SYTL2: variants seen among roughly 807,000 people sequenced by gnomAD.
SYTL2 encodes the protein synaptotagmin like 2, also known as synaptotagmin-like protein 2.
In SYTL2, 165 loss-of-function variants were observed where a neutral mutation model predicts 198.7. The ratio of observed to expected loss-of-function variants is 0.83; its 90% CI spans 0.73 to 0.94. The LOEUF (loss-of-function observed/expected upper bound fraction) is 0.94, where lower values mean the gene tolerates loss of function less well. SYTL2 is among the 40% of genes least tolerant of loss of function. SYTL2 has a pLI of 0.00. For missense variants in SYTL2, 2,835 were observed against 2,582.8 expected (o/e 1.10, Z -2.12); for synonymous variants, 966 against 917.7 (o/e 1.05, Z -0.95).
intron 2 of SYTL2, among the ~76,000 whole-genome samples, chr11:85,753,213 A>C (rs148164363): frequency 2.0e-5 from 3 of 152,266 alleles, no homozygotes; most frequent in African/African-American, 7.2e-5. Context: ...ATGTATGGTT[A>C]TGTTTCCTTA....
chr11:85,801,408 C>A (rs2092884784), intron 1 of SYTL2, among the ~76,000 whole-genome samples: 1 of 152,164 alleles, frequency 6.6e-6, no homozygotes, highest in Non-Finnish European at 1.5e-5. Flanking sequence ...AACAATTTGG[C>A]TCCAATGTGA....
At chr11:85,805,977 G>A (rs1359729046) in intron 1 of SYTL2, among the ~76,000 whole-genome samples, 5 of 152,148 alleles carry the variant, frequency 3.3e-5, no homozygotes, top group African/African-American at 9.7e-5. Flanking sequence ...TCAATACAAG[G>A]GATAACACAT....
the SYTL2 span, among the ~76,000 whole-genome samples, chr11:85,818,662 TATCTATC>T: frequency 1.7e-4 from 25 of 149,616 alleles, no homozygotes; most frequent in Non-Finnish European, 2.5e-4. Flanking sequence ...AATTACTATC[TATCTATC>T]TATCTATCTA....
At chr11:85,832,987 C>T in the SYTL2 span, among the ~76,000 whole-genome samples, 2 of 129,640 alleles carry the variant, frequency 1.5e-5, no homozygotes, top group Non-Finnish European at 3.2e-5. Flanking sequence ...CACAGGGAGA[C>T]CCTGTCTCAA....
At chr11:85,723,778 T>G (rs979591200) in intron 8 of SYTL2, among the ~76,000 whole-genome samples, 1 of 152,014 alleles carries the variant, frequency 6.6e-6, no homozygotes, top group Non-Finnish European at 1.5e-5. Flanking sequence ...ATAAATAATT[T>G]TTTTAATTAA....
At chr11:85,737,465 AC>A (rs1245061972) in intron 5 of SYTL2, 109 bp downstream of exon 5, 12 of 792,580 alleles carry the variant, frequency 1.5e-5, no homozygotes, top group East Asian at 2.7e-5. Flanking sequence ...TGTATTTGGT[AC>A]CAAAAAACTG....
At chr11:85,728,830 G>A (rs1279570873) in intron 7 of SYTL2, among the ~76,000 whole-genome samples, 1 of 152,162 alleles carries the variant, frequency 6.6e-6, no homozygotes, top group African/African-American at 2.4e-5. Context: ...ATGGGAAAAT[G>A]AGGATATTTC....
chr11:85,721,109 A>G, intron 8 of SYTL2, 150 bp from the exon 9 acceptor site: 1 of 579,504 alleles, frequency 1.7e-6, no homozygotes, highest in Admixed American at 3.1e-5. Flanking sequence ...AGAAAATAAA[A>G]TTTCTCCACT....
intron 3 of SYTL2, among the ~76,000 whole-genome samples, chr11:85,746,080 G>A (rs764199804): frequency 2.6e-5 from 4 of 152,182 alleles, no homozygotes; most frequent in Admixed American, 2.0e-4. Context: ...CTGAGTTGGG[G>A]TCAGGTCTAA....
At chr11:85,789,292 T>C (rs1221711359) in intron 1 of SYTL2, among the ~76,000 whole-genome samples, 2 of 141,202 alleles carry the variant, frequency 1.4e-5, no homozygotes. Flanking sequence ...TATATATATA[T>C]ATATTTATTT....
chr11:85,801,427 A>G (rs1210338817), intron 1 of SYTL2, among the ~76,000 whole-genome samples: 1 of 152,234 alleles, frequency 6.6e-6, no homozygotes, highest in Admixed American at 6.5e-5. Flanking sequence ...GATCCAGTCC[A>G]TAAATTAGCA....
intron 16 of SYTL2, among the ~76,000 whole-genome samples, chr11:85,702,347 G>C (rs1591563867): frequency 6.6e-6 from 1 of 152,082 alleles, no homozygotes; most frequent in South Asian, 2.1e-4. Flanking sequence ...ATGCCACCAA[G>C]CCTGGTTAAT....
Position 85,696,280 on chromosome 11 carries a change from A to C in SYTL2, c.6477T>G (p.Pro2159=). The change falls in exon 19 of 20, where the codon CCT becomes CCG. Residue 2159 remains proline, a synonymous_variant. Transcript: ENST00000359152. ...NHTMVYDGFR[P]EDLMEACVEL... ...CTACACAGGCTTCCATCAGATCTTCAGGCCTGAACCCATCATACACCATAG... is the reference window on the plus strand; with the variant it reads ...CTACACAGGCTTCCATCAGATCTTCCGGCCTGAACCCATCATACACCATAG... The C allele has an allele frequency of 1.2e-6, 2 of 1,614,096 alleles. No homozygotes were observed. Among genetic ancestry groups the C allele is most frequent in the Non-Finnish European group, 8.5e-7 (1 of 1,179,968 alleles).
chr11:85,832,469 G>A, the SYTL2 span, among the ~76,000 whole-genome samples: 3 of 152,144 alleles, frequency 2.0e-5, no homozygotes, highest in Non-Finnish European at 4.4e-5. Flanking sequence ...AGTGAAAGTT[G>A]TTGACAAAGT....
intron 1 of SYTL2, among the ~76,000 whole-genome samples, chr11:85,804,040 G>A (rs568524482): frequency 6.6e-6 from 1 of 152,296 alleles, no homozygotes; most frequent in South Asian, 2.1e-4. Flanking sequence ...TGATTTACCT[G>A]TATTCAACTT....
At chr11:85,790,722 G>GTTA in intron 1 of SYTL2, among the ~76,000 whole-genome samples, 1 of 152,264 alleles carries the variant, frequency 6.6e-6, no homozygotes, top group Admixed American at 6.5e-5. Context: ...TAACTGGGAT[G>GTTA]TGCCCTATGG....
intron 1 of SYTL2, among the ~76,000 whole-genome samples, chr11:85,765,771 C>A (rs2092223830): frequency 6.6e-6 from 1 of 152,082 alleles, no homozygotes; most frequent in African/African-American, 2.4e-5. Flanking sequence ...TCTGACAATT[C>A]CCCCTACTCC....
At chr11:85,833,019 G>C in the SYTL2 span, among the ~76,000 whole-genome samples, 2 of 20,316 alleles carry the variant, frequency 9.8e-5, no homozygotes, top group South Asian at 3.3e-3. Context: ...AGAAAAGAAA[G>C]AAAGAAAGAA....
chr11:85,827,397 C>A, the SYTL2 span, among the ~76,000 whole-genome samples: 1 of 152,228 alleles, frequency 6.6e-6, no homozygotes, highest in Non-Finnish European at 1.5e-5. Context: ...CAGCTCACCT[C>A]ACTACCCCTA....
Sources: allele counts gnomAD v4.1 joint callset (sites outside exome capture counted in the v4.1 genomes callset), GRCh38; gene constraint gnomAD v4.1.1; transcripts MANE v1.5; gene names NCBI Gene and HGNC (gene_info 2026-07-23, HGNC 2026-07-21).